Variants in ATP6V0E1 observed in about 807,000 individuals in gnomAD.
The protein encoded by ATP6V0E1 is ATPase H+ transporting V0 subunit e1, also known as V-type proton ATPase subunit e 1.
ATP6V0E1 carries 4 observed loss-of-function variants against 11.6 expected under a neutral mutation model. The ratio of observed to expected loss-of-function variants is 0.35; its 90% CI spans 0.17 to 0.79. The LOEUF is 0.79. ATP6V0E1 is among the 30% of genes least tolerant of loss of function. ATP6V0E1 has a pLI of 0.54. For synonymous variants in ATP6V0E1, 36 were observed against 34.8 expected (o/e 1.04, Z -0.13); for missense variants, 105 against 100.0 (o/e 1.05, Z -0.21).
intron 2 of ATP6V0E1, among the ~76,000 whole-genome samples, 192 bp downstream of exon 2, chr5:172,995,014 C>G (rs541253112): frequency 6.6e-6 from 1 of 152,282 alleles, no homozygotes; most frequent in South Asian, 2.1e-4. Context: ...GGGAATACAA[C>G]TTCTGTTTAA....
At chr5:173,001,567 A>T (rs1479791183) in intron 2 of ATP6V0E1, among the ~76,000 whole-genome samples, 1 of 152,058 alleles carries the variant, frequency 6.6e-6, no homozygotes, top group Non-Finnish European at 1.5e-5. Context: ...ATCACTTCCC[A>T]GGGGCCTGGG....
Position 173,034,664 on chromosome 5 carries a change from C to G in ATP6V0E1, c.*302C>G. 1.9e-6 allele frequency: 1 copy of G among 524,346 alleles called. No individual in the cohort carries two copies. The highest frequency in any genetic ancestry group is 3.4e-6 in the Non-Finnish European group (1 of 289,986). 32.5% of individuals were successfully genotyped at this position (524,346 alleles called of 1,614,324 possible). A position where few individuals can be genotyped will look rare whatever the true frequency, so the allele number is the denominator to read the frequency against. ...GTTCTTCTGAGAGATACGTTACTCTCTCCTTGGAATCTGTGGATTTGAAGA... is the reference window on the plus strand; with the variant it reads ...GTTCTTCTGAGAGATACGTTACTCTGTCCTTGGAATCTGTGGATTTGAAGA... On this transcript the variant is annotated 3_prime_UTR_variant, in exon 4 of 4. Transcript: ENST00000519374.
intron 2 of ATP6V0E1, among the ~76,000 whole-genome samples, chr5:173,010,590 G>A (rs756738698): frequency 3.3e-5 from 5 of 152,300 alleles, no homozygotes; most frequent in African/African-American, 4.8e-5. Flanking sequence ...ATCTAATAAT[G>A]TTGCTCCTCT....
chr5:173,016,653 CA>C (rs1427090814), intron 2 of ATP6V0E1, among the ~76,000 whole-genome samples: 1 of 152,168 alleles, frequency 6.6e-6, no homozygotes, highest in Non-Finnish European at 1.5e-5. Context: ...AGTGTTTTTT[CA>C]GGCAGCTTGT....
chr5:173,013,952 G>C (rs1216966566), intron 2 of ATP6V0E1, among the ~76,000 whole-genome samples: 1 of 152,066 alleles, frequency 6.6e-6, no homozygotes, highest in African/African-American at 2.4e-5. Flanking sequence ...TTAGGAGTTT[G>C]AGACCAGCCT....
chr5:172,991,824 T>G (rs149985896), intron 1 of ATP6V0E1, among the ~76,000 whole-genome samples: 37 of 152,322 alleles, frequency 2.4e-4, no homozygotes, highest in African/African-American at 8.7e-4. Flanking sequence ...GATTATGTAA[T>G]TCCTCTCAAC....
chr5:173,019,414 G>C (rs965514088), intron 2 of ATP6V0E1, among the ~76,000 whole-genome samples: 2 of 152,118 alleles, frequency 1.3e-5, no homozygotes, highest in Non-Finnish European at 2.9e-5. Flanking sequence ...AATGAGCTGG[G>C]CGTGGTGGCG....
In ATP6V0E1 at chr5:172,983,954, C is replaced by A; in HGVS notation, c.94C>A (p.Pro32Thr). 6.2e-7 allele frequency: 1 copy of A among 1,612,636 alleles called. No individual in the cohort carries two copies. Among genetic ancestry groups the A allele is most frequent in the East Asian group, 2.2e-5 (1 of 44,870 alleles). ...FLVPWFIPKGPNRGVIITMLV... is the reference protein window; with the variant it reads ...FLVPWFIPKGTNRGVIITMLV... Reference sequence around the variant, plus strand: ...GGTGCCTTGGTTCATCCCTAAGGGTCCTAACCGGGGGTAAGTGCGTGAGGC... The same window carrying A: ...GGTGCCTTGGTTCATCCCTAAGGGTACTAACCGGGGGTAAGTGCGTGAGGC... Residue 32 changes from proline (P) to threonine (T), a missense_variant, in exon 1 of 4, where the codon CCT becomes ACT. By Grantham distance (38) the Pro-to-Thr change is conservative (BLOSUM62 -1). Coordinates refer to ENST00000519374, the MANE Select transcript of ATP6V0E1 (RefSeq NM_003945.4).
intron 3 of ATP6V0E1, among the ~76,000 whole-genome samples, chr5:173,024,197 CAAAAAAAAAA>C (rs56837002): frequency 1.4e-5 from 1 of 73,494 alleles, no homozygotes; most frequent in Non-Finnish European, 3.0e-5. Context: ...GACTCCGTCT[CAAAAAAAAAA>C]AAAAAAAAAG....
intron 1 of ATP6V0E1, among the ~76,000 whole-genome samples, chr5:172,993,690 C>T (rs1756019864): frequency 7.9e-6 from 1 of 126,266 alleles, no homozygotes; most frequent in Admixed American, 8.1e-5. Flanking sequence ...CCCCCCCCCC[C>T]GACCCCACCT....
intron 1 of ATP6V0E1, among the ~76,000 whole-genome samples, chr5:172,985,244 CAAAAAAAAAA>C: frequency 1.1e-5 from 1 of 89,452 alleles, no homozygotes; most frequent in African/African-American, 3.7e-5. Context: ...GACTCCGTCT[CAAAAAAAAAA>C]AAAAAAAAGA....
At chr5:173,008,596 G>T (rs1433285517) in intron 2 of ATP6V0E1, among the ~76,000 whole-genome samples, 1 of 140,490 alleles carries the variant, frequency 7.1e-6, no homozygotes, top group Non-Finnish European at 1.5e-5. Context: ...ACCGTGCCCA[G>T]CCGAGTCCTT....
chr5:173,027,051 C>G (rs904451866), intron 3 of ATP6V0E1, among the ~76,000 whole-genome samples: 1 of 150,990 alleles, frequency 6.6e-6, no homozygotes, highest in Non-Finnish European at 1.5e-5. Context: ...TGGTGGCAGA[C>G]GCCTGTAGTC....
At chr5:172,989,340 T>TA (rs79831440) in intron 1 of ATP6V0E1, among the ~76,000 whole-genome samples, 11 of 150,054 alleles carry the variant, frequency 7.3e-5, no homozygotes, top group South Asian at 6.4e-4. Context: ...CCCCATCCCT[T>TA]AAAAAAAAAA....
chr5:172,999,553 C>G (rs1210679599), intron 2 of ATP6V0E1, among the ~76,000 whole-genome samples: 1 of 152,200 alleles, frequency 6.6e-6, no homozygotes, highest in Non-Finnish European at 1.5e-5. Context: ...TCTTGAACTC[C>G]TGAGCTCAAG....
intron 3 of ATP6V0E1, among the ~76,000 whole-genome samples, chr5:173,032,249 TTTTATTTATTTATTTATTTATTTATTTA>T (rs1205061181): frequency 7.6e-6 from 1 of 132,256 alleles, no homozygotes; most frequent in Non-Finnish European, 1.7e-5. Context: ...TTTTATTTTA[TTTTATTTATTTATTTATTTATTTATTTA>T]TTTATTTATT....
intron 2 of ATP6V0E1, among the ~76,000 whole-genome samples, chr5:173,005,387 G>A (rs543972384): frequency 3.3e-5 from 5 of 152,200 alleles, no homozygotes; most frequent in Middle Eastern, 3.4e-3. Context: ...TGGGGTTTTC[G>A]TTTTTTAATA....
intron 2 of ATP6V0E1, among the ~76,000 whole-genome samples, chr5:172,996,903 A>C (rs1170141968): frequency 2.6e-5 from 4 of 152,030 alleles, no homozygotes; most frequent in African/African-American, 9.6e-5. Context: ...GAGAAATAGA[A>C]GGCACAACAA....
chr5:172,997,207 C>T (rs981555349), intron 2 of ATP6V0E1, among the ~76,000 whole-genome samples: 1 of 152,126 alleles, frequency 6.6e-6, no homozygotes, highest in African/African-American at 2.4e-5. Context: ...ACAAATTCTC[C>T]ACACCAGAAG....
Sources: allele counts gnomAD v4.1 joint callset (sites outside exome capture counted in the v4.1 genomes callset), GRCh38; gene constraint gnomAD v4.1.1; transcripts MANE v1.5; gene names NCBI Gene and HGNC (gene_info 2026-07-23, HGNC 2026-07-21).